EXD3: variants seen among roughly 807,000 people sequenced by gnomAD.
EXD3 encodes exonuclease mut-7 homolog.
A neutral mutation model predicts 98.0 loss-of-function variants in EXD3; 92 were observed. The observed-to-expected ratio is 0.94, with a 90% CI of 0.79 to 1.12. The LOEUF is 1.12. EXD3 is among the 50% of genes most tolerant of loss of function. EXD3 has a pLI of 0.00. For missense variants in EXD3, 1,222 were observed against 1,191.6 expected, an observed-to-expected ratio of 1.03 and a Z score of -0.38; for synonymous variants, 569 against 526.0, an observed-to-expected ratio of 1.08 and a Z score of -1.12.
At chr9:137,355,204 C>T (rs138710475) in intron 8 of EXD3, among the ~76,000 whole-genome samples, 111 of 152,260 alleles carry the variant, frequency 7.3e-4, no homozygotes, top group East Asian at 4.8e-3. Context: ...CCACACCCTC[C>T]GTCAGCCTCA....
chr9:137,352,164 T>A lies in EXD3; in HGVS notation c.1075A>T (p.Met359Leu). 2 of 1,612,840 alleles carry A rather than the reference T, an allele frequency of 1.2e-6. No individual in the cohort carries two copies. The highest frequency in any genetic ancestry group is 1.3e-5 in the African/African-American group (1 of 75,048). The change falls in exon 12 of 22, where the codon ATG (methionine) becomes TTG (leucine). Residue 359 changes from methionine (M) to leucine (L), a missense_variant. Physicochemically the swap from Met to Leu is conservative, Grantham distance 15. Transcript: ENST00000340951. The part of the protein sequence containing the change: ...EADSRLEVKD[M>L]KDRYYQLPIP... ...GGCAGCTGGTAGTAACGGTCCTTCA[T>A]GTCCTTCACCTCCAGCCTCGAGTCA... is the stretch of plus-strand genomic sequence containing the variant.
Position 137,355,128 on chromosome 9 carries a change from C to T in EXD3, c.758-355G>A, listed in dbSNP as rs143618143. On this transcript the variant is annotated intron_variant, in intron 8 of 21. Coordinates refer to ENST00000340951, the MANE Select transcript of EXD3 (RefSeq NM_017820.5). ...CACGTGGAACCCTCGTGGACAGAGC[C>T]GGCTGCTCACTGTGGGTCCCGTGAC... is the stretch of plus-strand genomic sequence containing the variant. Among the ~76,000 whole-genome samples, 476 of 152,300 alleles carry T rather than the reference C, an allele frequency of 3.1e-3. 1 individual carries two copies. Among genetic ancestry groups the T allele is most frequent in the Non-Finnish European group, 5.0e-3 (342 of 68,022 alleles).
At chr9:137,348,350 C>T (rs1834046642) in intron 16 of EXD3, 112 bp from the exon 17 acceptor site, 7 of 1,211,818 alleles carry the variant, frequency 5.8e-6, no homozygotes, top group Non-Finnish European at 7.9e-6. Context: ...GTTTTATCTT[C>T]AAAAGATAAA....
intron 17 of EXD3, among the ~76,000 whole-genome samples, chr9:137,330,407 C>CACAGGAGCTACACGGGACTA (rs1832980922): frequency 1.4e-5 from 1 of 72,054 alleles, no homozygotes; most frequent in Non-Finnish European, 3.0e-5. Flanking sequence ...ACACAGGGCT[C>CACAGGAGCTACACGGGACTA]CACAGGACTA....
chr9:137,373,576 C>A lies in EXD3; in HGVS notation c.144G>T (p.Gly48=), dbSNP rs201257082. The A allele has an allele frequency of 1.2e-6, 2 of 1,603,000 alleles. No individual in the cohort carries two copies. The highest frequency in any genetic ancestry group is 1.7e-6 in the Non-Finnish European group (2 of 1,175,642). Reference sequence around the variant, plus strand: ...CCAGGGGGTCGTCCAAGGCAGCAAACCCCCGCCAGGCTTCCTCCCGGAGCT... The same window carrying A: ...CCAGGGGGTCGTCCAAGGCAGCAAAACCCCGCCAGGCTTCCTCCCGGAGCT... ...RKQLREEAWR[G]FAALDDPLAG... The change falls in exon 4 of 22, where the codon GGG becomes GGT. Residue 48 remains glycine, a synonymous_variant. Coordinates refer to ENST00000340951, the MANE Select transcript of EXD3 (RefSeq NM_017820.5).
At chr9:137,391,087 T>G (rs1196069472) in intron 2 of EXD3, among the ~76,000 whole-genome samples, 1 of 151,500 alleles carries the variant, frequency 6.6e-6, no homozygotes, top group African/African-American at 2.4e-5. Context: ...CTCGGCAGCT[T>G]CTCCTTACCC....
intron 1 of EXD3, among the ~76,000 whole-genome samples, chr9:137,398,394 G>A (rs1040776134): frequency 2.0e-5 from 3 of 152,190 alleles, no homozygotes; most frequent in Admixed American, 6.5e-5. Flanking sequence ...TGTGCTCCCC[G>A]AAGTTCACCT....
chr9:137,401,643 T>C (rs997216342), intron 1 of EXD3, among the ~76,000 whole-genome samples: 7 of 152,214 alleles, frequency 4.6e-5, no homozygotes, highest in African/African-American at 1.7e-4. Flanking sequence ...TGCCAAGGCT[T>C]GGGGCTTCCA....
At chr9:137,362,739 GT>G (rs1835051209) in intron 7 of EXD3, among the ~76,000 whole-genome samples, 1 of 152,084 alleles carries the variant, frequency 6.6e-6, no homozygotes, top group Admixed American at 6.6e-5. Flanking sequence ...CTGGATAACA[GT>G]CCTTTATCCC....
intron 2 of EXD3, chr9:137,392,656 C>T: frequency 3.0e-6 from 1 of 328,610 alleles, no homozygotes; most frequent in East Asian, 7.7e-5. Context: ...GGGATGTGGC[C>T]ATTCCAGGAA....
chr9:137,419,958 G>C (rs889212221), intron 1 of EXD3, among the ~76,000 whole-genome samples: 4 of 152,112 alleles, frequency 2.6e-5, no homozygotes, highest in Admixed American at 6.5e-5. Context: ...AGGAGATCGA[G>C]ACCATCCTGG....
intron 14 of EXD3, among the ~76,000 whole-genome samples, chr9:137,350,193 T>G (rs372227364): frequency 4.1e-4 from 10 of 24,172 alleles, no homozygotes; most frequent in Admixed American, 4.8e-4. Flanking sequence ...CGGGGAAGGT[T>G]CTAGATAGAG....
intron 1 of EXD3, among the ~76,000 whole-genome samples, chr9:137,406,308 G>A (rs1038627299): frequency 6.7e-6 from 1 of 150,030 alleles, no homozygotes; most frequent in Non-Finnish European, 1.5e-5. Context: ...AAAAGAAAAA[G>A]AAAAGAAAAA....
intron 1 of EXD3, among the ~76,000 whole-genome samples, chr9:137,413,962 G>T (rs1416073797): frequency 6.7e-6 from 1 of 149,660 alleles, no homozygotes; most frequent in Non-Finnish European, 1.5e-5. Flanking sequence ...TGTTGCTCAG[G>T]CTGGAGTGCA....
In EXD3 at chr9:137,323,781, C is replaced by G; in HGVS notation, c.2128G>C (p.Val710Leu). ...ACACGCACGTTGAAATGCTTGAGCA[C>G]AGCCTTGGCCTGCTGCTGGGCCTTC... ...SLKAQQQAKAVLKHFNVRVTH... is the reference protein window; with the variant it reads ...SLKAQQQAKALLKHFNVRVTH... Residue 710 changes from valine to leucine, a missense_variant, in exon 19 of 22, where the codon GTG becomes CTG. By Grantham distance (32) the Val-to-Leu change is conservative. Transcript: ENST00000340951. 1 of 1,612,376 alleles carries G rather than the reference C, an allele frequency of 6.2e-7. No homozygotes were observed. Among genetic ancestry groups the G allele is most frequent in the Non-Finnish European group, 8.5e-7 (1 of 1,179,756 alleles).
rs760064563 is a variant in EXD3, at chr9:137,351,415, G to A, written c.1287C>T (p.Asp429=). ...VAVEGHVFLL[D]VLALSQPPTG... ...TTGGTGGCTGCGAGAGTGCCAGGACGTCCAGAAGGAACACGTGGCCCTCCA... is the reference window on the plus strand; with the variant it reads ...TTGGTGGCTGCGAGAGTGCCAGGACATCCAGAAGGAACACGTGGCCCTCCA... Residue 429 remains aspartate (D), a synonymous_variant, in exon 13 of 22, where the codon GAC becomes GAT. Transcript: ENST00000340951. 2.2e-5 allele frequency: 35 copies of A among 1,609,276 alleles called. No individual in the cohort carries two copies. The highest frequency in any genetic ancestry group is 3.3e-4 in the Middle Eastern group (2 of 6,076).
Position 137,349,579 on chromosome 9 carries a change from G to T in EXD3, c.1495-48C>A. Reference sequence around the variant, plus strand: ...GGTAACGCGTCTGGCCCTGGCGGCAGCACAGTCACCGTGCCCACTCACACC... The same window carrying T: ...GGTAACGCGTCTGGCCCTGGCGGCATCACAGTCACCGTGCCCACTCACACC... On this transcript the variant is annotated intron_variant, in intron 14 of 21. Coordinates refer to ENST00000340951, the MANE Select transcript of EXD3 (RefSeq NM_017820.5). The surrounding 1 kb of genome is among the most constrained non-coding windows in gnomAD (Gnocchi z 7.4). 6.7e-7 allele frequency: 1 copy of T among 1,489,670 alleles called. No homozygotes were observed. 92.3% of individuals were successfully genotyped at this position (1,489,670 alleles called of 1,614,324 possible).
chr9:137,337,717 G>C (rs1833433503), intron 17 of EXD3, among the ~76,000 whole-genome samples: 1 of 152,016 alleles, frequency 6.6e-6, no homozygotes, highest in South Asian at 2.1e-4. Context: ...CATATGTTGG[G>C]GGGTAGGTGG....
At position 137,348,071 on chromosome 9, in the gene EXD3, C is replaced by T; in HGVS notation, c.1998G>A (p.Glu666=). Residue 666 remains glutamate, a splice_region_variant and synonymous_variant, in exon 17 of 22, where the codon GAG becomes GAA. Coordinates refer to ENST00000340951, the MANE Select transcript of EXD3 (RefSeq NM_017820.5). ...GNGEDHRRAA[E]VARQEGRIIL... ...CCCAAGACCCTCCCCGCAAACTCAC[C>T]TCGGCCGCCCTGCGGTGGTCTTCAC... is the stretch of plus-strand genomic sequence containing the variant. 2 of 1,609,776 alleles carry T rather than the reference C, an allele frequency of 1.2e-6. No individual in the cohort carries two copies. The highest frequency in any genetic ancestry group is 1.1e-5 in the South Asian group (1 of 90,628).
Sources: gnomAD v4.1 joint callset for allele counts (sites outside exome capture counted in the v4.1 genomes callset) on GRCh38, gnomAD v4.1.1 for gene constraint, Gnocchi (gnomAD v3.1) non-coding constraint, MANE v1.5 for transcripts, NCBI Gene and HGNC (gene_info 2026-07-23, HGNC 2026-07-21) for gene names.